RBFOX3: variants seen among roughly 807,000 people sequenced by gnomAD.
RBFOX3 encodes RNA binding protein fox-1 homolog 3.
RBFOX3 carries 17 observed loss-of-function variants against 48.7 expected under a neutral mutation model. The observed-to-expected ratio is 0.35, with a 90% CI of 0.24 to 0.52. The LOEUF is 0.52. Among genes scored for constraint, RBFOX3 ranks in the 20% least tolerant of loss-of-function variants. The pLI, the probability that RBFOX3 is intolerant of heterozygous loss-of-function variation, is 0.94. For synonymous variants in RBFOX3, 212 were observed against 209.5 expected, an observed-to-expected ratio of 1.01 and a Z score of -0.10; for missense variants, 382 against 497.5, an observed-to-expected ratio of 0.77 and a Z score of 2.21.
chr17:79,486,332 G>C (rs2079599876), intron 1 of RBFOX3, among the ~76,000 whole-genome samples: 1 of 152,140 alleles, frequency 6.6e-6, no homozygotes, highest in Non-Finnish European at 1.5e-5. Flanking sequence ...AGTGAGCTGT[G>C]TCCTCCTCAT....
intron 3 of RBFOX3, among the ~76,000 whole-genome samples, chr17:79,239,135 G>A (rs925110215): frequency 2.0e-5 from 3 of 152,140 alleles, no homozygotes; most frequent in African/African-American, 4.8e-5. Flanking sequence ...ATGGTGCCTC[G>A]CTTCGTGTTT....
At chr17:79,620,493 A>C in the RBFOX3 span, among the ~76,000 whole-genome samples, 8 of 134,220 alleles carry the variant, frequency 6.0e-5, no homozygotes, top group East Asian at 1.5e-3. Context: ...ACGTGCACAC[A>C]CGCGCACACA....
At chr17:79,134,761 G>A (rs1468510286) in intron 4 of RBFOX3, among the ~76,000 whole-genome samples, 1 of 152,204 alleles carries the variant, frequency 6.6e-6, no homozygotes, top group Non-Finnish European at 1.5e-5. Flanking sequence ...CTGCGCCTGG[G>A]CCCAAAAGGA....
Position 79,384,917 on chromosome 17 carries a change from C to T in RBFOX3, c.-174-77093G>A, listed in dbSNP as rs1281813945. On this transcript the variant is annotated intron_variant, in intron 2 of 14. Transcript: ENST00000693108. ...GAGACCTTCCAAACTTCGGCAGCTA[C>T]ACGCCGGCTGCTGCCCACCCAAATT... Among the ~76,000 whole-genome samples the T allele has an allele frequency of 2.0e-5, 3 of 152,276 alleles. No homozygotes were observed. In the East Asian group the frequency reaches 5.8e-4, roughly 29 times the overall value.
chr17:79,093,834 C>T (rs555036630), intron 14 of RBFOX3, among the ~76,000 whole-genome samples: 42 of 147,800 alleles, frequency 2.8e-4, no homozygotes, highest in Non-Finnish European at 4.7e-4. Context: ...CACAGAGACA[C>T]GCCACGCCGC....
chr17:79,295,242 C>T (rs1436256364), intron 3 of RBFOX3, among the ~76,000 whole-genome samples: 3 of 152,278 alleles, frequency 2.0e-5, no homozygotes, highest in South Asian at 2.1e-4. Context: ...AAATCCACAG[C>T]GCTAGAAATG....
intron 1 of RBFOX3, among the ~76,000 whole-genome samples, chr17:79,591,766 A>T (rs922129005): frequency 2.0e-5 from 3 of 152,110 alleles, no homozygotes; most frequent in Non-Finnish European, 2.9e-5. Context: ...TGGGAGCCTG[A>T]TGAGGATGGA....
intron 3 of RBFOX3, among the ~76,000 whole-genome samples, chr17:79,268,569 G>T (rs748348878): frequency 1.7e-4 from 26 of 152,136 alleles, no homozygotes; most frequent in Non-Finnish European, 3.7e-4. Flanking sequence ...CATGGGAAAA[G>T]GAAGCTGATC....
At chr17:79,213,841 C>T (rs1361466988) in intron 4 of RBFOX3, among the ~76,000 whole-genome samples, 1 of 152,228 alleles carries the variant, frequency 6.6e-6, no homozygotes, top group Non-Finnish European at 1.5e-5. Flanking sequence ...ACCTGACTTT[C>T]CAGCCGGCCA....
In RBFOX3 at chr17:79,535,457, G is replaced by A. The variant is rs1365146536; in HGVS notation, c.-319-52859C>T. ...CCGGAGAGTGTCACAAGGGGACAGC[G>A]GCCTCCAATCTCCCGATTCCTTTAC... On this transcript the variant is annotated intron_variant, in intron 1 of 14. Transcript: ENST00000693108. This position sits in a 1 kb window ranked among gnomAD's most constrained non-coding sequence, Gnocchi z 4.5. Among the ~76,000 whole-genome samples, 4 of 152,094 alleles carry A rather than the reference G, an allele frequency of 2.6e-5. No homozygotes were observed. The highest frequency in any genetic ancestry group is 4.4e-5 in the Non-Finnish European group (3 of 67,996).
chr17:79,165,651 T>A (rs545679909), intron 4 of RBFOX3, among the ~76,000 whole-genome samples: 1 of 152,258 alleles, frequency 6.6e-6, no homozygotes, highest in East Asian at 1.9e-4. Flanking sequence ...CCGGCCGGGG[T>A]CCCTGGCTCC....
At chr17:79,649,948 T>C in the RBFOX3 span, among the ~76,000 whole-genome samples, 1 of 152,090 alleles carries the variant, frequency 6.6e-6, no homozygotes, top group African/African-American at 2.4e-5. Context: ...ACTCACTCAC[T>C]ATCAGGAAGA....
At chr17:79,508,079 C>T (rs2083437841) in intron 1 of RBFOX3, among the ~76,000 whole-genome samples, 1 of 152,258 alleles carries the variant, frequency 6.6e-6, no homozygotes, top group East Asian at 1.9e-4. Context: ...GATTTGTAAA[C>T]TGCCTGGTAA....
At chr17:79,123,029 G>T (rs2036165045) in intron 4 of RBFOX3, among the ~76,000 whole-genome samples, 1 of 151,966 alleles carries the variant, frequency 6.6e-6, no homozygotes, top group African/African-American at 2.4e-5. Flanking sequence ...CGGACACAGA[G>T]AGCAGAAGGA....
chr17:79,231,559 A>G (rs1437768858), intron 4 of RBFOX3, among the ~76,000 whole-genome samples: 2 of 152,182 alleles, frequency 1.3e-5, no homozygotes, highest in Non-Finnish European at 2.9e-5. Flanking sequence ...GACGGAATTG[A>G]CACAAAATCT....
At chr17:79,598,096 A>G (rs945552952) in intron 1 of RBFOX3, 11 of 152,204 alleles carry the variant, frequency 7.2e-5, no homozygotes, top group African/African-American at 2.7e-4. Flanking sequence ...CTCACTAGCA[A>G]TTCTCCCCAA....
intron 4 of RBFOX3, among the ~76,000 whole-genome samples, chr17:79,174,895 A>C (rs1278715348): frequency 6.6e-6 from 1 of 152,206 alleles, no homozygotes; most frequent in Non-Finnish European, 1.5e-5. Flanking sequence ...ACAGCCACGA[A>C]TCCCAGCAAA....
At chr17:79,456,715 G>A (rs782233887) in intron 2 of RBFOX3, among the ~76,000 whole-genome samples, 1 of 152,074 alleles carries the variant, frequency 6.6e-6, no homozygotes, top group Non-Finnish European at 1.5e-5. Flanking sequence ...CACCACACTT[G>A]AATTGATTCA....
intron 3 of RBFOX3, among the ~76,000 whole-genome samples, chr17:79,246,261 C>A (rs1264156346): frequency 6.6e-6 from 1 of 152,204 alleles, no homozygotes; most frequent in Non-Finnish European, 1.5e-5. Context: ...TGTGTGCCTC[C>A]GGGAGAGCCA....
Sources: gnomAD v4.1 joint callset for allele counts (sites outside exome capture counted in the v4.1 genomes callset) on GRCh38, gnomAD v4.1.1 for gene constraint, Gnocchi (gnomAD v3.1) non-coding constraint, MANE v1.5 for transcripts, NCBI Gene and HGNC (gene_info 2026-07-23, HGNC 2026-07-21) for gene names.